DLC1: variants seen among roughly 807,000 people sequenced by gnomAD.
DLC1 encodes the protein rho GTPase-activating protein 7.
In DLC1, 54 loss-of-function variants were observed where a neutral mutation model predicts 140.3. The observed-to-expected ratio is 0.38, with a 90% CI of 0.31 to 0.48. The LOEUF (loss-of-function observed/expected upper bound fraction) is 0.48, where lower values mean the gene tolerates loss of function less well. Among genes scored for constraint, DLC1 ranks in the 20% least tolerant of loss-of-function variants. The pLI is 0.96. For synonymous variants in DLC1, 986 were observed against 728.1 expected (o/e 1.35, Z -5.70); for missense variants, 2,536 against 1,907.0 (o/e 1.33, Z -6.14).
rs145066097 is a variant in DLC1, at chr8:13,166,868, C to T, written c.1349-51211G>A. ...GGGCCTGAGAGGTGAGTTTAGAGGA[C>T]GCTGGGAATTGGTGCCCTGTGGCCC... On this transcript the variant is annotated intron_variant, in intron 5 of 17. Coordinates refer to ENST00000276297, the MANE Select transcript of DLC1 (RefSeq NM_182643.3). Among the ~76,000 whole-genome samples the T allele has an allele frequency of 3.8e-3, 572 of 152,178 alleles. 4 individuals are homozygous for T. Among genetic ancestry groups the T allele is most frequent in the African/African-American group, 0.013 (546 of 41,524 alleles).
At chr8:13,260,918 C>T (rs1830447622) in intron 5 of DLC1, among the ~76,000 whole-genome samples, 1 of 152,168 alleles carries the variant, frequency 6.6e-6, no homozygotes, top group African/African-American at 2.4e-5. Context: ...AGAAGGTGTG[C>T]TTGCATAATT....
chr8:13,281,116 T>C (rs1221808782), intron 5 of DLC1, among the ~76,000 whole-genome samples: 1 of 152,252 alleles, frequency 6.6e-6, no homozygotes, highest in African/African-American at 2.4e-5. Flanking sequence ...ATAACTGGCA[T>C]CTAGCGTGTA....
chr8:13,484,539 G>T, intron 2 of DLC1, among the ~76,000 whole-genome samples: 1 of 152,046 alleles, frequency 6.6e-6, no homozygotes, highest in East Asian at 1.9e-4. Flanking sequence ...AAGTAAATTG[G>T]CTTTTAAACT....
At chr8:13,255,137 C>G (rs1830166302) in intron 5 of DLC1, among the ~76,000 whole-genome samples, 1 of 151,974 alleles carries the variant, frequency 6.6e-6, no homozygotes, top group South Asian at 2.1e-4. Context: ...CCACCACGCC[C>G]AGCTAACTTT....
At chr8:13,567,234 G>T (rs890940475) in intron 1 of DLC1, 3 of 1,551,466 alleles carry the variant, frequency 1.9e-6, no homozygotes, top group Admixed American at 2.0e-5. Flanking sequence ...ATTATGAAAA[G>T]AAGTTGAGTA....
intron 4 of DLC1, among the ~76,000 whole-genome samples, chr8:13,367,059 C>T (rs1009556183): frequency 1.3e-5 from 2 of 152,120 alleles, no homozygotes; most frequent in African/African-American, 4.8e-5. Flanking sequence ...AGGCTGTATT[C>T]TGTATTTTAT....
At chr8:13,447,033 C>T (rs898163728) in intron 2 of DLC1, among the ~76,000 whole-genome samples, 4 of 151,900 alleles carry the variant, frequency 2.6e-5, no homozygotes, top group African/African-American at 9.7e-5. Context: ...AAATCTAGTA[C>T]TCAATTCTTA....
rs187793031 is a variant in DLC1, at chr8:13,280,601, T to G, written c.1348+24668A>C. ...CATTTTATCTTACTGCAAACAAAAT[T>G]TTTAATTTTATAGTGTTTCTAGGTT... On this transcript the variant is annotated intron_variant, in intron 5 of 17. Coordinates refer to ENST00000276297, the MANE Select transcript of DLC1 (RefSeq NM_182643.3). 3.9e-5 allele frequency among the ~76,000 whole-genome samples: 6 copies of G among 152,274 alleles called. No homozygotes were observed. The East Asian group carries it at 1.2e-3, about 29-fold the overall frequency.
intron 5 of DLC1, among the ~76,000 whole-genome samples, chr8:13,131,771 G>A (rs1822114395): frequency 6.6e-6 from 1 of 152,172 alleles, no homozygotes; most frequent in Non-Finnish European, 1.5e-5. Flanking sequence ...GATGAAGGAG[G>A]CACAGCGAGG....
chr8:13,392,363 A>G (rs1279961679), intron 4 of DLC1, among the ~76,000 whole-genome samples: 1 of 152,176 alleles, frequency 6.6e-6, no homozygotes, highest in Non-Finnish European at 1.5e-5. Context: ...TTATTCCATA[A>G]AAATGTTTTA....
rs541341340 is a variant in DLC1 at position 13,500,717 on chromosome 8, C to T, written c.-125-521G>A. On this transcript the variant is annotated intron_variant, in intron 1 of 17. Transcript: ENST00000276297. ...TGAAGGAGCTAACACCGAACCCAAA[C>T]GACCAGTATGTAGTTACTCCAGGGA... is the stretch of plus-strand genomic sequence containing the variant. Among the ~76,000 whole-genome samples the T allele has an allele frequency of 1.9e-4, 29 of 152,204 alleles. No individual in the cohort carries two copies. The South Asian group carries it at 4.4e-3, about 23-fold the overall frequency.
intron 1 of DLC1, among the ~76,000 whole-genome samples, chr8:13,588,549 G>T (rs1805409942): frequency 6.6e-6 from 1 of 152,040 alleles, no homozygotes; most frequent in African/African-American, 2.4e-5. Flanking sequence ...GGTACAGCAT[G>T]TTTAAAACTC....
chr8:13,270,241 C>T (rs989201861), intron 5 of DLC1, among the ~76,000 whole-genome samples: 2 of 152,056 alleles, frequency 1.3e-5, no homozygotes, highest in East Asian at 1.9e-4. Flanking sequence ...ACCAGGCCTT[C>T]GATTTTGGAC....
chr8:13,319,844 A>G (rs1183184548), intron 4 of DLC1, among the ~76,000 whole-genome samples: 3 of 4,370 alleles, frequency 6.9e-4, no homozygotes, highest in African/African-American at 1.3e-3. Flanking sequence ...TTTTTTTGAG[A>G]TGGAGTCTCG....
At chr8:13,547,816 G>A (rs1803704156) in intron 1 of DLC1, among the ~76,000 whole-genome samples, 1 of 151,876 alleles carries the variant, frequency 6.6e-6, no homozygotes, top group Middle Eastern at 3.2e-3. Context: ...AGACTTTGTT[G>A]AATCATTTTG....
At chr8:13,368,016 C>A (rs1835568694) in intron 4 of DLC1, among the ~76,000 whole-genome samples, 1 of 152,246 alleles carries the variant, frequency 6.6e-6, no homozygotes, top group African/African-American at 2.4e-5. Context: ...GGAATGGTTT[C>A]TGGAATGGTG....
At chr8:13,360,436 A>C (rs1309192092) in intron 4 of DLC1, among the ~76,000 whole-genome samples, 1 of 152,194 alleles carries the variant, frequency 6.6e-6, no homozygotes, top group African/African-American at 2.4e-5. Context: ...CCATTGATCT[A>C]AGCTACCCAT....
intron 5 of DLC1, among the ~76,000 whole-genome samples, chr8:13,270,663 G>A (rs1288646233): frequency 4.6e-5 from 7 of 152,156 alleles, no homozygotes; most frequent in Admixed American, 4.6e-4. Context: ...GTCACCTCCA[G>A]TAGATCCTTC....
At chr8:13,454,451 T>C (rs555754744) in intron 2 of DLC1, among the ~76,000 whole-genome samples, 1 of 152,126 alleles carries the variant, frequency 6.6e-6, no homozygotes, top group Non-Finnish European at 1.5e-5. Flanking sequence ...AGGCAAAAAG[T>C]AATATTTAAA....
Sources: gnomAD v4.1 joint callset for allele counts (sites outside exome capture counted in the v4.1 genomes callset) on GRCh38, gnomAD v4.1.1 for gene constraint, MANE v1.5 for transcripts, NCBI Gene and HGNC (gene_info 2026-07-23, HGNC 2026-07-21) for gene names.